The following ACAD10 variants were observed in gnomAD, a reference collection of about 807,000 sequenced individuals.
ACAD10 encodes acyl-CoA dehydrogenase family member 10, also known as ACAD-10.
In ACAD10, 112 loss-of-function variants were observed where a neutral mutation model predicts 116.8. That is an observed-to-expected ratio of 0.96 (90% CI 0.82 to 1.12). The LOEUF is 1.12. Ranked by LOEUF, ACAD10 falls within the 50% of genes most tolerant of loss-of-function variation. The pLI is 0.00. For synonymous variants in ACAD10, 486 were observed against 510.6 expected (o/e 0.95, Z 0.65); for missense variants, 1,259 against 1,350.2 (o/e 0.93, Z 1.06).
At chr12:111,702,501 G>T (rs1423529348) in intron 3 of ACAD10, among the ~76,000 whole-genome samples, 191 bp downstream of exon 3, 1 of 151,950 alleles carries the variant, frequency 6.6e-6, no homozygotes, top group African/African-American at 2.4e-5. Flanking sequence ...GAGGCCCAGG[G>T]GGTGGATCAC....
chr12:111,740,730 C>T (rs368006324), intron 12 of ACAD10, among the ~76,000 whole-genome samples: 3 of 137,858 alleles, frequency 2.2e-5, no homozygotes, highest in African/African-American at 8.3e-5. Flanking sequence ...TGCAGTGAGC[C>T]GAGATTGCTT....
chr12:111,712,461 C>T (rs201303247), intron 5 of ACAD10, 37 bp from the exon 6 acceptor site: 6 of 1,574,256 alleles, frequency 3.8e-6, no homozygotes, highest in Non-Finnish European at 4.3e-6. Flanking sequence ...ATAACAACAA[C>T]AAAAAATATA....
intron 19 of ACAD10, among the ~76,000 whole-genome samples, chr12:111,755,216 C>A (rs1354326370): frequency 6.6e-6 from 1 of 152,202 alleles, no homozygotes; most frequent in Non-Finnish European, 1.5e-5. Context: ...AGCTCTCTTG[C>A]CTCAGTTTCC....
rs1461750218 is a variant in ACAD10, at chr12:111,744,865, A to G, written c.1937A>G (p.His646Arg). The change falls in exon 13 of 21, where the codon CAT (histidine) becomes CGT (arginine). Residue 646 changes from histidine to arginine, a missense_variant. By Grantham distance (29) the His-to-Arg change is conservative (BLOSUM62 0). Transcript: ENST00000313698. ...YSSVPEASPAHTSRGGLVISP... is the reference protein window; with the variant it reads ...YSSVPEASPARTSRGGLVISP... ...TCCGTTCCAGAAGCTTCCCCAGCTCATACCTCAAGGGGAGGTCTGGTTATC... is the reference window on the plus strand; with the variant it reads ...TCCGTTCCAGAAGCTTCCCCAGCTCGTACCTCAAGGGGAGGTCTGGTTATC... 1.2e-6 allele frequency: 2 copies of G among 1,614,022 alleles called. No individual in the cohort carries two copies.
intron 12 of ACAD10, among the ~76,000 whole-genome samples, chr12:111,739,252 C>A (rs1889662047): frequency 6.6e-6 from 1 of 152,160 alleles, no homozygotes. Context: ...TCAAAAGTTA[C>A]ACTGACTCTG....
chr12:111,717,448 G>A (rs182586547), intron 7 of ACAD10, among the ~76,000 whole-genome samples: 28 of 151,884 alleles, frequency 1.8e-4, no homozygotes, highest in African/African-American at 6.8e-4. Flanking sequence ...AGATTTCATA[G>A]CTCACCTTTA....
At chr12:111,724,880 G>A (rs914951298) in intron 8 of ACAD10, among the ~76,000 whole-genome samples, 6 of 151,146 alleles carry the variant, frequency 4.0e-5, no homozygotes, top group East Asian at 2.0e-4. Flanking sequence ...GAGGGAGACC[G>A]TGGAAAGAGA....
At chr12:111,720,055 G>A (rs1315227175) in intron 7 of ACAD10, among the ~76,000 whole-genome samples, 1 of 152,060 alleles carries the variant, frequency 6.6e-6, no homozygotes, top group African/African-American at 2.4e-5. Flanking sequence ...ATAGAAATGG[G>A]GTTTCGCCGT....
intron 8 of ACAD10, among the ~76,000 whole-genome samples, chr12:111,723,515 G>T (rs1225864308): frequency 7.4e-6 from 1 of 135,780 alleles, no homozygotes; most frequent in African/African-American, 2.8e-5. Context: ...CCGGGCAGAG[G>T]GGCTCCTCAC....
chr12:111,701,678 A>G (rs981366870), intron 2 of ACAD10, among the ~76,000 whole-genome samples: 1 of 151,982 alleles, frequency 6.6e-6, no homozygotes, highest in Non-Finnish European at 1.5e-5. Context: ...AAAAGAAGAA[A>G]TTTGCTTCCT....
rs755063338 is a variant in ACAD10 at position 111,721,640 on chromosome 12, C to G, written c.993-31C>G. 3.2e-6 allele frequency: 5 copies of G among 1,543,100 alleles called. No individual in the cohort carries two copies. In the African/African-American group the frequency reaches 5.5e-5, roughly 17 times the overall value. On this transcript the variant is annotated intron_variant, in intron 7 of 20. Transcript: ENST00000313698. ...AAGAAAATCTCATCAATTCAGCCAG[C>G]AATTTTGTTTATTTTCATTTGTCCT...
intron 16 of ACAD10, chr12:111,747,653 C>A (rs1285529523): frequency 7.9e-7 from 1 of 1,264,712 alleles, no homozygotes; most frequent in Admixed American, 3.4e-5. Flanking sequence ...CCCCAGGAAT[C>A]TCTCCACTTC....
At position 111,709,528 on chromosome 12, in the gene ACAD10, T is replaced by A; in HGVS notation, c.534T>A (p.Ile178=). The change falls in exon 5 of 21, where the codon ATT becomes ATA. Residue 178 remains isoleucine (I), a splice_region_variant and synonymous_variant. Transcript: ENST00000313698. ...LPLDRKQFDV[I]VESCMEGICK... ...TCTCATTCCTGTCCCTCCATCAGAT[T>A]GTGGAGTCCTGCATGGAAGGGATCT... The A allele has an allele frequency of 5.1e-6, 8 of 1,571,780 alleles. No individual in the cohort carries two copies. The highest frequency in any genetic ancestry group is 6.9e-6 in the Non-Finnish European group (8 of 1,161,868).
intron 12 of ACAD10, among the ~76,000 whole-genome samples, chr12:111,738,044 A>G (rs1254635101): frequency 1.3e-5 from 2 of 151,778 alleles, no homozygotes; most frequent in Non-Finnish European, 1.5e-5. Context: ...TTTAGTAGAG[A>G]TGGGGTTTTG....
intron 16 of ACAD10, chr12:111,747,620 C>T (rs558830216): frequency 1.3e-5 from 18 of 1,345,286 alleles, no homozygotes; most frequent in Middle Eastern, 2.9e-4. Flanking sequence ...CACACATGGA[C>T]GGATGCCTCC....
intron 18 of ACAD10, 196 bp downstream of exon 18, chr12:111,749,541 C>A (rs1238502167): frequency 6.9e-6 from 5 of 725,514 alleles, no homozygotes; most frequent in Non-Finnish European, 1.1e-5. Flanking sequence ...CAGAATGGAC[C>A]CCACTCTGTC....
At chr12:111,749,103 G>T in intron 17 of ACAD10, 70 bp from the exon 18 acceptor site, 1 of 1,613,832 alleles carries the variant, frequency 6.2e-7, no homozygotes. Flanking sequence ...CCCAGACTGA[G>T]GTGAGGAATA....
chr12:111,756,071 C>G (rs1049845462), intron 20 of ACAD10: 1 of 1,262,122 alleles, frequency 7.9e-7, no homozygotes, highest in African/African-American at 1.5e-5. Flanking sequence ...TGCAGGGGGG[C>G]CGCCTCCTTA....
intron 9 of ACAD10, among the ~76,000 whole-genome samples, chr12:111,729,111 G>A (rs1170332261): frequency 6.6e-6 from 1 of 152,208 alleles, no homozygotes; most frequent in Non-Finnish European, 1.5e-5. Flanking sequence ...ACCTGCCTGA[G>A]ATCACAGAGC....
Sources: gnomAD v4.1 joint callset for allele counts (sites outside exome capture counted in the v4.1 genomes callset) on GRCh38, gnomAD v4.1.1 for gene constraint, MANE v1.5 for transcripts, NCBI Gene and HGNC (gene_info 2026-07-23, HGNC 2026-07-21) for gene names.